The following GREB1 variants were observed in gnomAD, a reference collection of about 807,000 sequenced individuals.
The protein encoded by GREB1 is growth regulating estrogen receptor binding 1.
Under a neutral mutation model 200.7 loss-of-function variants are expected in GREB1, and 106 were observed. The ratio of observed to expected loss-of-function variants is 0.53; its 90% CI spans 0.45 to 0.62. The LOEUF (loss-of-function observed/expected upper bound fraction) is 0.62. GREB1 is among the 20% of genes least tolerant of loss of function. The pLI is 0.00. For missense variants in GREB1, 2,243 were observed against 2,556.8 expected, an observed-to-expected ratio of 0.88 and a Z score of 2.65; for synonymous variants, 1,132 against 1,092.4, an observed-to-expected ratio of 1.04 and a Z score of -0.72.
intron 1 of GREB1, among the ~76,000 whole-genome samples, chr2:11,510,296 T>C (rs1166530229): frequency 6.6e-6 from 1 of 152,200 alleles, no homozygotes; most frequent in Non-Finnish European, 1.5e-5. Flanking sequence ...CAGAATGCAA[T>C]CTGCTTTTCT....
chr2:11,508,671 C>T (rs894480570), intron 1 of GREB1, among the ~76,000 whole-genome samples: 4 of 152,158 alleles, frequency 2.6e-5, no homozygotes, highest in African/African-American at 9.7e-5. Flanking sequence ...AACAAACATC[C>T]TTTTAAAGCC....
At chr2:11,585,134 C>T (rs377017022) in intron 7 of GREB1, 27 bp from the exon 8 acceptor site, 25 of 1,308,060 alleles carry the variant, frequency 1.9e-5, no homozygotes, top group Non-Finnish European at 2.5e-5. Context: ...TGGTGATAGC[C>T]TAATCCACAC....
At position 11,585,100 on chromosome 2, in the gene GREB1, G is replaced by A. The variant is rs111492870; in HGVS notation, c.902-61G>A. On this transcript the variant is annotated intron_variant, in intron 7 of 32. Transcript: ENST00000381486. ...CAGATCATTGTTCTCCAAACCAAGG[G>A]TAAATTTTATTGGAGCCCTGTCCTG... is the stretch of plus-strand genomic sequence containing the variant. 5.9e-3 allele frequency: 5,101 copies of A among 864,710 alleles called. 161 individuals carry two copies. In the African/African-American group the frequency reaches 0.073, roughly 12 times the overall value. 53.6% of individuals were successfully genotyped at this position (864,710 alleles called of 1,614,324 possible).
intron 21 of GREB1, among the ~76,000 whole-genome samples, chr2:11,617,533 G>T (rs1278694471): frequency 1.3e-5 from 2 of 152,212 alleles, no homozygotes; most frequent in African/African-American, 4.8e-5. Context: ...CTGTAATTTT[G>T]TCCCAAGGCA....
Position 11,616,721 on chromosome 2 carries a change from G to T in GREB1, c.3412+1G>T. 2 of 1,598,004 alleles carry T rather than the reference G, an allele frequency of 1.3e-6. No homozygotes were observed. Among genetic ancestry groups the T allele is most frequent in the Non-Finnish European group, 1.7e-6 (2 of 1,165,272 alleles). On this transcript the variant is annotated splice_donor_variant, in intron 21 of 32. Transcript: ENST00000381486. LOFTEE classifies it high-confidence loss of function. ...TCATCCCTCTCCTCCAAGGCTTCCG[G>T]TGAGTCTTCCCACACGGGAAGGACC... is the stretch of plus-strand genomic sequence containing the variant.
rs1343284675 is a variant in GREB1, at chr2:11,635,285, T to C, written c.5226T>C (p.Asp1742=). ...CCCTGAGTAGGTTCCTGTGTGACGA[T>C]GTAGACTTCAACCTGCGGGTGCACA... ...QYNQNRFLCD[D]VDFNLRVHSA... is the part of the protein sequence containing the mutation. Residue 1742 remains aspartate, a synonymous_variant, in exon 30 of 33, where the codon GAT becomes GAC. Transcript: ENST00000381486. 2 of 1,614,052 alleles carry C rather than the reference T, an allele frequency of 1.2e-6. No homozygotes were observed. Among genetic ancestry groups the C allele is most frequent in the Non-Finnish European group, 1.7e-6 (2 of 1,180,026 alleles).
Position 11,627,045 on chromosome 2 carries a change from A to G in GREB1, c.4390A>G (p.Asn1464Asp), listed in dbSNP as rs142904474. Residue 1464 changes from asparagine to aspartate, a missense_variant, in exon 25 of 33, where the codon AAC becomes GAC. By Grantham distance (23) the Asn-to-Asp change is conservative. Around this residue, in one of 3 missense-constraint regions of GREB1, gnomAD observed 587 missense variants for 553.1 expected, o/e 1.06. Transcript: ENST00000381486. ...RMRLSKYAAY[N>D]TYHHCEQCHQ... The stretch of plus-strand genomic sequence containing the variant: ...GAGACTGTCCAAGTACGCAGCGTAC[A>G]ACACTTACCACCACTGTGAGCAGTG... 1,086 of 1,614,064 alleles carry G rather than the reference A, an allele frequency of 6.7e-4. 1 individual carries two copies. The highest frequency in any genetic ancestry group is 1.2e-3 in the Admixed American group (74 of 60,006).
chr2:11,586,162 C>G lies in GREB1; in HGVS notation c.1159+257C>G, dbSNP rs557018019. Among the ~76,000 whole-genome samples the G allele has an allele frequency of 3.1e-3, 468 of 152,302 alleles. 2 individuals carry two copies. The highest frequency in any genetic ancestry group is 4.9e-3 in the Non-Finnish European group (333 of 68,020). On this transcript the variant is annotated intron_variant, in intron 9 of 32. Coordinates refer to ENST00000381486, the MANE Select transcript of GREB1 (RefSeq NM_014668.4). ...GTGAAATGATTCCCTGCCATGAAGT[C>G]TATTTGCCTGTTCACTCATTCTTTC...
chr2:11,576,588 C>T (rs1468851465), intron 5 of GREB1, 53 bp downstream of exon 5: 1 of 1,420,894 alleles, frequency 7.0e-7, no homozygotes, highest in African/African-American at 1.4e-5. Flanking sequence ...CCCAAGTGGG[C>T]CGTGGTGCCT....
chr2:11,615,002 T>C, intron 19 of GREB1, 89 bp from the exon 20 acceptor site: 1 of 956,758 alleles, frequency 1.0e-6, no homozygotes, highest in Non-Finnish European at 1.7e-6. Flanking sequence ...AGGTGGGGTG[T>C]GGTCCCGATC....
At chr2:11,536,970 A>AT (rs1358883714) in intron 1 of GREB1, among the ~76,000 whole-genome samples, 2 of 151,346 alleles carry the variant, frequency 1.3e-5, no homozygotes, top group Non-Finnish European at 2.9e-5. Context: ...CTTTTTTTTT[A>AT]TTTTTCTTTG....
intron 4 of GREB1, among the ~76,000 whole-genome samples, chr2:11,568,035 T>C (rs1187502175): frequency 6.6e-6 from 1 of 152,144 alleles, no homozygotes; most frequent in Non-Finnish European, 1.5e-5. Flanking sequence ...GGAGGCAGGA[T>C]TGGTAATAAT....
At chr2:11,577,434 G>C (rs978292753) in intron 5 of GREB1, among the ~76,000 whole-genome samples, 1 of 152,228 alleles carries the variant, frequency 6.6e-6, no homozygotes, top group African/African-American at 2.4e-5. Flanking sequence ...AGAAAGACCA[G>C]CTTCACGTTG....
At chr2:11,627,237 C>A in intron 25 of GREB1, 133 bp downstream of exon 25, 1 of 722,962 alleles carries the variant, frequency 1.4e-6, no homozygotes, top group Non-Finnish European at 2.2e-6. Context: ...CTGCTTGCAT[C>A]CTCTGTTCCC....
At chr2:11,591,315 C>T (rs1680706494) in intron 10 of GREB1, 5 of 719,036 alleles carry the variant, frequency 7.0e-6, no homozygotes, top group Non-Finnish European at 1.3e-5. Context: ...TGGGAGATAG[C>T]TCAGGGCCGC....
At position 11,566,476 on chromosome 2, in the gene GREB1, C is replaced by CT; in HGVS notation, c.278-3dup. On this transcript the variant is annotated splice_polypyrimidine_tract_variant and splice_region_variant and intron_variant, in intron 3 of 32. Coordinates refer to ENST00000381486, the MANE Select transcript of GREB1 (RefSeq NM_014668.4). Reference sequence around the variant, plus strand: ...AGCGTGTGAACCCTGTCCACCCCTCCTAGGGTTTTGCCAGGCCGGGAAGGA... The same window carrying CT: ...AGCGTGTGAACCCTGTCCACCCCTCCTTAGGGTTTTGCCAGGCCGGGAAGGA... 2 of 1,604,444 alleles carry CT rather than the reference C, an allele frequency of 1.2e-6. No homozygotes were observed. Among genetic ancestry groups the CT allele is most frequent in the South Asian group, 2.2e-5 (2 of 89,596 alleles).
At chr2:11,512,488 G>A (rs1436415218) in intron 1 of GREB1, among the ~76,000 whole-genome samples, 1 of 152,194 alleles carries the variant, frequency 6.6e-6, no homozygotes, top group Non-Finnish European at 1.5e-5. Flanking sequence ...GATTTTCCTG[G>A]CAACATTGAA....
chr2:11,605,175 T>TTTTTTTTTTTTTTC (rs1682151499), intron 17 of GREB1, among the ~76,000 whole-genome samples: 1 of 141,384 alleles, frequency 7.1e-6, no homozygotes, highest in East Asian at 2.0e-4. Flanking sequence ...TTTTTTTTTT[T>TTTTTTTTTTTTTTC]TACGCAGCAG....
intron 1 of GREB1, among the ~76,000 whole-genome samples, chr2:11,523,732 T>C (rs1033598178): frequency 6.6e-6 from 1 of 152,218 alleles, no homozygotes; most frequent in African/African-American, 2.4e-5. Flanking sequence ...CTGATCAGTC[T>C]CCTTCCTGTT....
Sources: gnomAD v4.1 joint callset for allele counts (sites outside exome capture counted in the v4.1 genomes callset) on GRCh38, gnomAD v4.1.1 for gene constraint, gnomAD v4.1.1 regional missense constraint, MANE v1.5 for transcripts, NCBI Gene and HGNC (gene_info 2026-07-23, HGNC 2026-07-21) for gene names.